The following LRP1B variants were observed in gnomAD, a reference collection of about 807,000 sequenced individuals.
LRP1B encodes the protein LDL receptor related protein 1B.
A neutral mutation model predicts 556.6 loss-of-function variants in LRP1B; 217 were observed. The observed-to-expected ratio is 0.39, with a 90% CI of 0.35 to 0.44. The LOEUF (loss-of-function observed/expected upper bound fraction) is 0.44, where lower values mean the gene tolerates loss of function less well. Among genes scored for constraint, LRP1B ranks in the 20% least tolerant of loss-of-function variants. LRP1B has a pLI of 1.00. For missense variants in LRP1B, 5,053 were observed against 5,620.8 expected, an observed-to-expected ratio of 0.90 and a Z score of 3.23; for synonymous variants, 2,047 against 1,865.8, an observed-to-expected ratio of 1.10 and a Z score of -2.50.
intron 43 of LRP1B, among the ~76,000 whole-genome samples, chr2:140,556,844 T>A (rs1680752700): frequency 6.6e-6 from 1 of 152,022 alleles, no homozygotes; most frequent in African/African-American, 2.4e-5. Flanking sequence ...ATTACATACA[T>A]GTCCATAGGC....
At chr2:140,779,059 A>C (rs202247622) in intron 32 of LRP1B, among the ~76,000 whole-genome samples, 4 of 148,962 alleles carry the variant, frequency 2.7e-5, no homozygotes, top group African/African-American at 5.0e-5. Context: ...ACATCTAAAA[A>C]ACTCTTAGGG....
At chr2:140,516,844 G>T (rs768424522) in intron 50 of LRP1B, 45 bp downstream of exon 50, 1 of 1,582,404 alleles carries the variant, frequency 6.3e-7, no homozygotes, top group Non-Finnish European at 8.7e-7. Context: ...TAACATATAA[G>T]TAATAGTAAG....
chr2:140,735,064 A>T (rs1273816307), intron 35 of LRP1B, among the ~76,000 whole-genome samples: 1 of 152,206 alleles, frequency 6.6e-6, no homozygotes. Flanking sequence ...GTGGGCTGAG[A>T]AAATAAACAG....
intron 3 of LRP1B, among the ~76,000 whole-genome samples, chr2:141,275,925 C>T (rs76451196): frequency 7.7e-5 from 11 of 143,544 alleles, no homozygotes; most frequent in Non-Finnish European, 1.3e-4. Context: ...TATATATATA[C>T]ACATACACAT....
chr2:142,059,327 G>A (rs1704806052), intron 1 of LRP1B, among the ~76,000 whole-genome samples: 1 of 151,954 alleles, frequency 6.6e-6, no homozygotes, highest in Non-Finnish European at 1.5e-5. Flanking sequence ...AAATTTAAAA[G>A]GAAATAATAA....
intron 6 of LRP1B, among the ~76,000 whole-genome samples, chr2:141,204,950 G>A (rs1488326231): frequency 4.6e-5 from 7 of 151,364 alleles, no homozygotes; most frequent in South Asian, 2.1e-4. Flanking sequence ...TAAAAAAAAA[G>A]GAAAAAGAAA....
intron 66 of LRP1B, among the ~76,000 whole-genome samples, chr2:140,435,073 G>A (rs141876419): frequency 8.6e-4 from 131 of 152,210 alleles, no homozygotes; most frequent in African/African-American, 3.1e-3. Context: ...CTGAGTAATA[G>A]CTAAAATTAC....
intron 2 of LRP1B, among the ~76,000 whole-genome samples, chr2:141,567,126 T>C (rs1265844269): frequency 6.6e-6 from 1 of 152,162 alleles, no homozygotes; most frequent in East Asian, 1.9e-4. Flanking sequence ...AATAAAACTT[T>C]TTAAAAGGGC....
intron 2 of LRP1B, among the ~76,000 whole-genome samples, chr2:141,483,562 A>C (rs1683003544): frequency 3.7e-5 from 1 of 26,814 alleles, no homozygotes; most frequent in African/African-American, 5.6e-5. Context: ...TGGTTGAACT[A>C]CTTTACGGTC....
intron 35 of LRP1B, among the ~76,000 whole-genome samples, chr2:140,721,769 G>A (rs1336539409): frequency 2.0e-5 from 3 of 150,254 alleles, no homozygotes; most frequent in Non-Finnish European, 4.4e-5. Context: ...ATGTTAGCCA[G>A]GATGGTCTCG....
At chr2:140,419,406 A>G (rs1685339340) in intron 66 of LRP1B, among the ~76,000 whole-genome samples, 2 of 152,222 alleles carry the variant, frequency 1.3e-5, no homozygotes, top group Admixed American at 1.3e-4. Flanking sequence ...CACATACACA[A>G]AAATTCATAA....
At chr2:140,739,010 C>T (rs576889791) in intron 35 of LRP1B, among the ~76,000 whole-genome samples, 3 of 152,276 alleles carry the variant, frequency 2.0e-5, no homozygotes, top group South Asian at 2.1e-4. Context: ...AGCTAAGTCA[C>T]GTCTGTGTCC....
At chr2:140,980,561 C>G (rs542879478) in intron 18 of LRP1B, among the ~76,000 whole-genome samples, 1 of 152,130 alleles carries the variant, frequency 6.6e-6, no homozygotes, top group Non-Finnish European at 1.5e-5. Context: ...ATACTTTATT[C>G]AGAGGTTATA....
chr2:140,397,205 G>A (rs547681577), intron 66 of LRP1B, among the ~76,000 whole-genome samples: 11 of 151,644 alleles, frequency 7.3e-5, no homozygotes, highest in African/African-American at 2.4e-4. Flanking sequence ...TTAAGTTCTG[G>A]GGTACACGTG....
chr2:141,887,125 A>G (rs1699148135), intron 1 of LRP1B, among the ~76,000 whole-genome samples: 1 of 151,876 alleles, frequency 6.6e-6, no homozygotes, highest in South Asian at 2.1e-4. Context: ...CCTCCCTAGT[A>G]GCTGGGATTA....
intron 37 of LRP1B, among the ~76,000 whole-genome samples, chr2:140,707,491 G>A (rs1686881250): frequency 6.6e-6 from 1 of 152,086 alleles, no homozygotes; most frequent in African/African-American, 2.4e-5. Context: ...CTTGACAAAA[G>A]CTGCTTGTAA....
At chr2:140,871,081 T>G (rs1213524304) in intron 25 of LRP1B, among the ~76,000 whole-genome samples, 8 of 152,140 alleles carry the variant, frequency 5.3e-5, no homozygotes, top group Non-Finnish European at 4.4e-5. Context: ...CACTGACATT[T>G]GGTAAGTGTT....
intron 7 of LRP1B, among the ~76,000 whole-genome samples, chr2:141,085,145 G>T (rs1234690817): frequency 8.3e-6 from 1 of 120,786 alleles, no homozygotes; most frequent in East Asian, 3.0e-4. Context: ...GAGAAATGGG[G>T]TGGGGGAAGG....
At chr2:142,060,442 G>A (rs1375474115) in intron 1 of LRP1B, among the ~76,000 whole-genome samples, 1 of 152,052 alleles carries the variant, frequency 6.6e-6, no homozygotes, top group African/African-American at 2.4e-5. Context: ...AGGAGAGTCT[G>A]CCTCTGCTGA....
Sources: gnomAD v4.1 joint callset for allele counts (sites outside exome capture counted in the v4.1 genomes callset) on GRCh38, gnomAD v4.1.1 for gene constraint, MANE v1.5 for transcripts, NCBI Gene and HGNC (gene_info 2026-07-23, HGNC 2026-07-21) for gene names.